Variants in ERICH1 observed in about 807,000 individuals in gnomAD.
The protein encoded by ERICH1 is glutamate-rich protein 1.
A neutral mutation model predicts 39.6 loss-of-function variants in ERICH1; 56 were observed. The ratio of observed to expected loss-of-function variants is 1.41; its 90% CI spans 1.14 to 1.77. The LOEUF (loss-of-function observed/expected upper bound fraction) is 1.77. ERICH1 is among the 40% of genes most tolerant of loss of function. The pLI, the probability that ERICH1 is intolerant of heterozygous loss-of-function variation, is 0.00. For missense variants in ERICH1, 826 were observed against 575.4 expected (o/e 1.44, Z -4.45); for synonymous variants, 313 against 223.6 (o/e 1.40, Z -3.57).
intron 3 of ERICH1, among the ~76,000 whole-genome samples, chr8:621,204 G>C (rs977350372): frequency 7.2e-5 from 11 of 151,946 alleles, no homozygotes; most frequent in Non-Finnish European, 1.3e-4. Context: ...AGGGAAATTA[G>C]AAAAAAACTT....
intron 2 of ERICH1, 44 bp from the exon 3 acceptor site, chr8:692,656 A>C: frequency 6.6e-7 from 1 of 1,525,486 alleles, no homozygotes. Flanking sequence ...AAATATCACA[A>C]AATGCAGTCA....
intron 3 of ERICH1, among the ~76,000 whole-genome samples, chr8:682,404 C>G (rs1360215637): frequency 6.6e-6 from 1 of 152,232 alleles, no homozygotes; most frequent in Non-Finnish European, 1.5e-5. Flanking sequence ...GCTCTATGCT[C>G]TGGCGTCCTG....
chr8:673,903 T>G lies in ERICH1; in HGVS notation c.449A>C (p.Gln150Pro). Residue 150 changes from glutamine (Q) to proline (P), a missense_variant, in exon 4 of 6, where the codon CAG becomes CCG. Gln to Pro is a moderately conservative substitution (Grantham distance 76). Transcript: ENST00000262109. ...GCTTATTGTGGTGCCATCTGTGTGC[T>G]GTCGCTGAGATTTCTCCTGTAACAG... ...QSLLQEKSQR[Q>P]HTDGTTISKN... 1 of 1,613,620 alleles carries G rather than the reference T, an allele frequency of 6.2e-7. No homozygotes were observed. Among genetic ancestry groups the G allele is most frequent in the Non-Finnish European group, 8.5e-7 (1 of 1,180,018 alleles).
chr8:724,758 T>C (rs901279105), intron 1 of ERICH1, among the ~76,000 whole-genome samples: 2 of 152,182 alleles, frequency 1.3e-5, no homozygotes, highest in African/African-American at 4.8e-5. Context: ...CCCAAAGAAC[T>C]TGCAACCCAT....
chr8:669,042 C>G, intron 4 of ERICH1: 1 of 518,332 alleles, frequency 1.9e-6, no homozygotes, highest in East Asian at 3.3e-5. Flanking sequence ...GGCCCATCTA[C>G]ACCTCTGTCT....
chr8:649,799 C>T (rs1799714961), intron 3 of ERICH1, among the ~76,000 whole-genome samples: 1 of 152,154 alleles, frequency 6.6e-6, no homozygotes, highest in Non-Finnish European at 1.5e-5. Flanking sequence ...CCGCACAGGG[C>T]GGACGGCGTA....
In ERICH1 at chr8:700,551, CGCGCACAGGCCCGCACAG is replaced by C. The variant is rs1563299877; in HGVS notation, c.170-7957_170-7940del. Among the ~76,000 whole-genome samples, 6 of 85,146 alleles carry C rather than the reference CGCGCACAGGCCCGCACAG, an allele frequency of 7.0e-5. No individual in the cohort carries two copies. The East Asian group carries it at 1.3e-3, about 19-fold the overall frequency. 55.9% of individuals were successfully genotyped at this position (85,146 alleles called of 152,430 possible). A position where few individuals can be genotyped will look rare whatever the true frequency, so the allele number is the denominator to read the frequency against. On this transcript the variant is annotated intron_variant, in intron 2 of 5. Transcript: ENST00000262109. ...CCGCACAGGCGCACAGGCCCGCACA[CGCGCACAGGCCCGCACAG>C]GCGCACAGACCCGCACACATGCACA...
intron 2 of ERICH1, among the ~76,000 whole-genome samples, chr8:700,452 A>G (rs1329501462): frequency 8.6e-5 from 3 of 34,854 alleles, no homozygotes; most frequent in Non-Finnish European, 1.4e-4. Flanking sequence ...CAGGCCACAG[A>G]CCCGCACAGG....
At chr8:615,043 C>T (rs1563155069) in exon 4 of ERICH1, 6 of 463,962 alleles carry the variant, frequency 1.3e-5, no homozygotes, top group South Asian at 4.7e-5. Flanking sequence ...GACGTGGCTA[C>T]GCTCCCAGCA....
At chr8:666,229 A>G (rs1025702907) in intron 5 of ERICH1, 2 of 152,216 alleles carry the variant, frequency 1.3e-5, no homozygotes, top group African/African-American at 4.8e-5. Flanking sequence ...ACAACTGCCA[A>G]AACTCTTTTG....
chr8:624,012 G>A (rs1357334733), intron 3 of ERICH1, among the ~76,000 whole-genome samples: 6 of 152,016 alleles, frequency 3.9e-5, no homozygotes, highest in Admixed American at 2.6e-4. Context: ...TCTAACGAGG[G>A]ACTAATATCC....
At chr8:701,171 G>A (rs1235491191) in intron 2 of ERICH1, among the ~76,000 whole-genome samples, 2 of 152,238 alleles carry the variant, frequency 1.3e-5, no homozygotes, top group Non-Finnish European at 2.9e-5. Context: ...GGACGGGTCT[G>A]CCCCGCCAGA....
At position 692,469 on chromosome 8, in the gene ERICH1, G is replaced by C. The variant is rs1023797965; in HGVS notation, c.304+9C>G. On this transcript the variant is annotated intron_variant, in intron 3 of 5. Coordinates refer to ENST00000262109, the MANE Select transcript of ERICH1 (RefSeq NM_207332.3). ...AGATGTCTACCTTTCCTCCCACCCA[G>C]CATTTTACCTTCTGTGTCATCCCCG... The C allele has an allele frequency of 3.1e-6, 5 of 1,613,828 alleles. No individual in the cohort carries two copies. The African/African-American group carries it at 6.7e-5, about 22-fold the overall frequency.
rs113124570 is a variant in ERICH1, at chr8:616,964, C to G, written c.977-1680G>C. ...AGAGGGAGAGGGAGACAGAGACACA[C>G]AGAGAGAGAGAGAGAGAGACATTGG... On this transcript the variant is annotated intron_variant, in intron 3 of 3. Transcript: ENST00000522706. 8.4e-3 allele frequency among the ~76,000 whole-genome samples: 85 copies of G among 10,142 alleles called. 25 individuals carry two copies. Among genetic ancestry groups the G allele is most frequent in the African/African-American group, 0.039 (22 of 568 alleles). The allele number at this position is 10,142 out of a possible 152,430, so 6.7% of individuals were successfully genotyped here.
rs1178790703 is a variant in ERICH1 at position 698,219 on chromosome 8, TTTTC to T, written c.170-5611_170-5608del. On this transcript the variant is annotated intron_variant, in intron 2 of 5. Coordinates refer to ENST00000262109, the MANE Select transcript of ERICH1 (RefSeq NM_207332.3). ...GAAAGGCCATCCTAAATCATATTCC[TTTTC>T]TTTTTTTTTTTTTGAGGTGGAGTCT... is the stretch of plus-strand genomic sequence containing the variant. Among the ~76,000 whole-genome samples, 171 of 73,582 alleles carry T rather than the reference TTTTC, an allele frequency of 2.3e-3. No homozygotes were observed. In the Middle Eastern group the frequency reaches 0.042, roughly 18 times the overall value. 48.3% of individuals were successfully genotyped at this position (73,582 alleles called of 152,430 possible). A position where few individuals can be genotyped will look rare whatever the true frequency, so the allele number is the denominator to read the frequency against.
At chr8:668,925 G>C in intron 4 of ERICH1, 133 bp from the exon 5 acceptor site, 1 of 781,302 alleles carries the variant, frequency 1.3e-6, no homozygotes, top group South Asian at 1.9e-5. Flanking sequence ...GAGATGAGAA[G>C]CTACCAGAAG....
At position 674,947 on chromosome 8, in the gene ERICH1, G is replaced by A. The variant is rs189714010; in HGVS notation, c.305-900C>T. On this transcript the variant is annotated intron_variant, in intron 3 of 5. Coordinates refer to ENST00000262109, the MANE Select transcript of ERICH1 (RefSeq NM_207332.3). The stretch of plus-strand genomic sequence containing the variant: ...CCCTGGTGTAAATATTTCCCCCGTG[G>A]CCGATTTCAAACTACCACTGTGGTG... 2.2e-4 allele frequency among the ~76,000 whole-genome samples: 33 copies of A among 152,308 alleles called. No homozygotes were observed. In the East Asian group the frequency reaches 6.0e-3, roughly 28 times the overall value.
At chr8:685,355 T>G (rs1807084401) in intron 3 of ERICH1, among the ~76,000 whole-genome samples, 1 of 152,228 alleles carries the variant, frequency 6.6e-6, no homozygotes, top group Non-Finnish European at 1.5e-5. Context: ...GTTATCCTGT[T>G]CTTTTGTCAA....
At chr8:650,604 G>A (rs531517247) in intron 3 of ERICH1, among the ~76,000 whole-genome samples, 1 of 152,224 alleles carries the variant, frequency 6.6e-6, no homozygotes, top group Non-Finnish European at 1.5e-5. Flanking sequence ...GGGAGGAACC[G>A]GTGTCAACGC....
Sources: gnomAD v4.1 joint callset for allele counts (sites outside exome capture counted in the v4.1 genomes callset) on GRCh38, gnomAD v4.1.1 for gene constraint, MANE v1.5 for transcripts, NCBI Gene and HGNC (gene_info 2026-07-23, HGNC 2026-07-21) for gene names.